The following PCDHA2 variants were observed in gnomAD, a reference collection of about 807,000 sequenced individuals.
PCDHA2 encodes protocadherin alpha-2.
In PCDHA2, 58 loss-of-function variants were observed where a neutral mutation model predicts 66.0. The observed-to-expected ratio is 0.88, with a 90% confidence interval of 0.71 to 1.09. The LOEUF is 1.09. PCDHA2 is among the 50% of genes least tolerant of loss of function. The pLI is 0.00. For missense variants in PCDHA2, 1,267 were observed against 1,242.3 expected (o/e 1.02, Z -0.30); for synonymous variants, 634 against 554.0 (o/e 1.14, Z -2.03).
At chr5:140,888,161 C>G (rs1272451290) in intron 1 of PCDHA2, among the ~76,000 whole-genome samples, 1 of 152,160 alleles carries the variant, frequency 6.6e-6, no homozygotes, top group Non-Finnish European at 1.5e-5. Context: ...CTGGTAATCT[C>G]TAATAAGATG....
intron 1 of PCDHA2, among the ~76,000 whole-genome samples, chr5:140,855,674 A>G (rs1431720219): frequency 1.3e-5 from 2 of 149,852 alleles, no homozygotes; most frequent in Non-Finnish European, 3.0e-5. Context: ...CTACTCTGAG[A>G]GTCTACATTT....
chr5:140,809,169 C>T, intron 1 of PCDHA2: 1 of 1,614,002 alleles, frequency 6.2e-7, no homozygotes, highest in Non-Finnish European at 8.5e-7. Flanking sequence ...GCGCTGACGG[C>T]CACGGCCACT....
intron 3 of PCDHA2, among the ~76,000 whole-genome samples, chr5:140,996,043 C>T (rs1282990779): frequency 6.6e-6 from 1 of 152,202 alleles, no homozygotes; most frequent in Non-Finnish European, 1.5e-5. Context: ...GCACTTAACA[C>T]AGTGCTTGGC....
intron 1 of PCDHA2, chr5:140,930,393 CTT>C (rs879960332): frequency 4.1e-5 from 6 of 145,282 alleles, no homozygotes; most frequent in Admixed American, 6.9e-5. Flanking sequence ...TTCAAAACTT[CTT>C]TTTTTTTTTT....
chr5:140,887,286 T>TG (rs1171397329), intron 1 of PCDHA2, among the ~76,000 whole-genome samples: 1 of 151,952 alleles, frequency 6.6e-6, no homozygotes, highest in Non-Finnish European at 1.5e-5. Context: ...TTAGTAGAGA[T>TG]GGGGTTTCAT....
At chr5:140,959,570 T>C (rs1324858058) in intron 1 of PCDHA2, among the ~76,000 whole-genome samples, 1 of 152,184 alleles carries the variant, frequency 6.6e-6, no homozygotes. Context: ...ACTAGATTTT[T>C]TGTTTCAATT....
intron 1 of PCDHA2, chr5:140,828,048 A>C: frequency 6.5e-7 from 1 of 1,544,030 alleles, no homozygotes; most frequent in Non-Finnish European, 8.7e-7. Flanking sequence ...TTTTATCTTT[A>C]TGCGGAAGAT....
At position 140,979,408 on chromosome 5, in the gene PCDHA2, G is replaced by GT. The variant is rs558051720; in HGVS notation, c.2447+411dup. Among the ~76,000 whole-genome samples the GT allele has an allele frequency of 3.0e-3, 447 of 147,714 alleles. 2 individuals carry two copies. Among genetic ancestry groups the GT allele is most frequent in the East Asian group, 0.02 (102 of 5,050 alleles). On this transcript the variant is annotated intron_variant, in intron 2 of 3. Coordinates refer to ENST00000526136, the MANE Select transcript of PCDHA2 (RefSeq NM_018905.3). ...TGTATACATACATGTTGTCTACCTT[G>GT]TTTTTTTTTTAATCTCACATTGGCT...
At position 140,992,017 on chromosome 5, in the gene PCDHA2, CTGTGTGTG is replaced by C. The variant is rs10602499; in HGVS notation, c.2536+9484_2536+9491del. On this transcript the variant is annotated intron_variant, in intron 3 of 3. Coordinates refer to ENST00000526136, the MANE Select transcript of PCDHA2 (RefSeq NM_018905.3). ...CTTTCATGTTCAGGCAGAGGTGGCT[CTGTGTGTG>C]TGTGTGTGTGTGTGTGTGTGTGTGT... Among the ~76,000 whole-genome samples the C allele has an allele frequency of 9.8e-4, 142 of 145,616 alleles. No homozygotes were observed. The East Asian group carries it at 1.0e-2, about 10-fold the overall frequency.
At chr5:140,841,206 G>A (rs1278287433) in intron 1 of PCDHA2, 13 of 1,350,372 alleles carry the variant, frequency 9.6e-6, no homozygotes, top group Admixed American at 2.4e-5. Flanking sequence ...GACAGCATCT[G>A]TCTCTAAAGG....
chr5:140,879,027 G>C (rs2057822967), intron 1 of PCDHA2, among the ~76,000 whole-genome samples: 1 of 152,184 alleles, frequency 6.6e-6, no homozygotes, highest in African/African-American at 2.4e-5. Context: ...TTTTATTGAA[G>C]AGTGTCTTGA....
chr5:140,833,759 C>CAG (rs1336906298), intron 1 of PCDHA2, among the ~76,000 whole-genome samples: 1 of 151,910 alleles, frequency 6.6e-6, no homozygotes, highest in Non-Finnish European at 1.5e-5. Context: ...AAAACACACA[C>CAG]ACACACACCG....
In PCDHA2 at chr5:140,927,607, C is replaced by G. The variant is rs558609705; in HGVS notation, c.2389-51342C>G. On this transcript the variant is annotated intron_variant, in intron 1 of 3. Transcript: ENST00000526136. ...GCCTGTATTTGAGCGCTCCGTATACCGCACCAAGGTTCCAGAGACTGCACC... is the reference window on the plus strand; with the variant it reads ...GCCTGTATTTGAGCGCTCCGTATACGGCACCAAGGTTCCAGAGACTGCACC... 1.5e-5 allele frequency: 24 copies of G among 1,614,180 alleles called. 1 individual carries two copies. In the South Asian group the frequency reaches 2.6e-4, roughly 18 times the overall value.
chr5:140,850,369 G>T, intron 1 of PCDHA2: 1 of 1,597,922 alleles, frequency 6.3e-7, no homozygotes, highest in Non-Finnish European at 8.6e-7. Context: ...TTCCGCGTGG[G>T]GCTGTACACG....
chr5:140,948,986 T>C (rs2094331337), intron 1 of PCDHA2, among the ~76,000 whole-genome samples: 1 of 151,752 alleles, frequency 6.6e-6, no homozygotes, highest in Non-Finnish European at 1.5e-5. Context: ...ACTGCTTTAT[T>C]TGCATTTTAC....
Position 140,795,710 on chromosome 5 carries a change from T to C in PCDHA2, c.746T>C (p.Val249Ala), listed in dbSNP as rs782461058. The C allele has an allele frequency of 1.2e-6, 2 of 1,614,040 alleles. No homozygotes were observed. The highest frequency in any genetic ancestry group is 2.2e-5 in the South Asian group (2 of 91,074). Residue 249 changes from valine to alanine, a missense_variant, in exon 1 of 4, where the codon GTA (valine) becomes GCA (alanine). Transcript: ENST00000526136. ...EPTFAQSVYK[V>A]KLLENTANGT... ...ACTTTTGCCCAATCAGTTTACAAAG[T>C]AAAATTGTTAGAGAATACGGCAAAT... is the stretch of plus-strand genomic sequence containing the variant.
rs1238131938 is a variant in PCDHA2, at chr5:141,010,564, G to A, written c.*627G>A. Reference sequence around the variant, plus strand: ...GAGACAAAACTACCCCCACTGACAAGGCTTTAGGAGACCCTAAAGTCTGTT... The same window carrying A: ...GAGACAAAACTACCCCCACTGACAAAGCTTTAGGAGACCCTAAAGTCTGTT... On this transcript the variant is annotated 3_prime_UTR_variant, in exon 4 of 4. Coordinates refer to ENST00000526136, the MANE Select transcript of PCDHA2 (RefSeq NM_018905.3). 1 of 289,402 alleles carries A rather than the reference G, an allele frequency of 3.5e-6. No homozygotes were observed. Among genetic ancestry groups the A allele is most frequent in the Non-Finnish European group, 6.5e-6 (1 of 154,048 alleles). 17.9% of individuals were successfully genotyped at this position (289,402 alleles called of 1,614,324 possible).
intron 1 of PCDHA2, among the ~76,000 whole-genome samples, chr5:140,880,921 T>C (rs187033233): frequency 6.6e-6 from 1 of 152,272 alleles, no homozygotes; most frequent in East Asian, 1.9e-4. Context: ...AGAAATACTA[T>C]GTTAGTAAAA....
chr5:140,877,396 G>T (rs781989521), intron 1 of PCDHA2: 43 of 1,613,834 alleles, frequency 2.7e-5, no homozygotes, highest in South Asian at 1.8e-4. Context: ...TGAGGCGGAC[G>T]CTCCGCGCCA....
Sources: allele counts gnomAD v4.1 joint callset (sites outside exome capture counted in the v4.1 genomes callset), GRCh38; gene constraint gnomAD v4.1.1; transcripts MANE v1.5; gene names NCBI Gene and HGNC (gene_info 2026-07-23, HGNC 2026-07-21).